RNF220: variants seen among roughly 807,000 people sequenced by gnomAD.
RNF220 encodes the protein ring finger protein 220.
A neutral mutation model predicts 67.1 loss-of-function variants in RNF220; 7 were observed. The ratio of observed to expected loss-of-function variants is 0.10; its 90% CI spans 0.06 to 0.20. RNF220 has a LOEUF of 0.20. Ranked by LOEUF, RNF220 falls within the 10% of genes least tolerant of loss-of-function variation. The pLI, the probability that RNF220 is intolerant of heterozygous loss-of-function variation, is 1.00. For synonymous variants in RNF220, 270 were observed against 283.2 expected, an observed-to-expected ratio of 0.95 and a Z score of 0.47; for missense variants, 565 against 740.3, an observed-to-expected ratio of 0.76 and a Z score of 2.75.
chr1:44,535,314 T>G (rs1335362361), intron 2 of RNF220, among the ~76,000 whole-genome samples: 1 of 152,132 alleles, frequency 6.6e-6, no homozygotes, highest in Non-Finnish European at 1.5e-5. Flanking sequence ...CTGATTTTTG[T>G]ATTTTTAGTA....
At chr1:44,460,810 G>A (rs947314781) in intron 2 of RNF220, among the ~76,000 whole-genome samples, 1 of 152,244 alleles carries the variant, frequency 6.6e-6, no homozygotes, top group Admixed American at 6.5e-5. Flanking sequence ...ATTGAATATA[G>A]CTGCAGAGCA....
At chr1:44,640,453 G>A (rs76363373) in intron 8 of RNF220, among the ~76,000 whole-genome samples, 2,478 of 152,332 alleles carry the variant, frequency 0.016, 89 homozygotes, top group African/African-American at 0.058. Context: ...TCTGTCCCCC[G>A]TGGCAACTGA....
chr1:44,579,576 A>G (rs1016411769), intron 2 of RNF220, among the ~76,000 whole-genome samples: 2 of 152,108 alleles, frequency 1.3e-5, no homozygotes, highest in African/African-American at 4.8e-5. Context: ...ACTTGAAGCT[A>G]TTTGCTAGGA....
Position 44,614,154 on chromosome 1 carries a change from C to T in RNF220, c.626-11C>T, listed in dbSNP as rs773834957. The T allele has an allele frequency of 1.2e-6, 2 of 1,614,088 alleles. No homozygotes were observed. Among genetic ancestry groups the T allele is most frequent in the Non-Finnish European group, 8.5e-7 (1 of 1,179,978 alleles). ...AGCTTACGCGTCTGTCTGTTCTTCT[C>T]CCCTCACTAGGTAAGAAGAAAGCAG... On this transcript the variant is annotated splice_polypyrimidine_tract_variant and intron_variant, in intron 2 of 14. Transcript: ENST00000361799.
At chr1:44,646,798 T>C (rs759793064) in intron 12 of RNF220, among the ~76,000 whole-genome samples, 121 of 152,268 alleles carry the variant, frequency 7.9e-4, no homozygotes, top group Non-Finnish European at 1.2e-3. Flanking sequence ...GGCTCAGTCA[T>C]GTGCAGAGCT....
At chr1:44,630,442 T>C (rs1357329799) in intron 5 of RNF220, among the ~76,000 whole-genome samples, 2 of 152,208 alleles carry the variant, frequency 1.3e-5, no homozygotes, top group Non-Finnish European at 2.9e-5. Context: ...AAATCCGAGA[T>C]TGTTTCCCAA....
intron 2 of RNF220, among the ~76,000 whole-genome samples, chr1:44,504,921 C>T (rs1310490300): frequency 6.6e-6 from 1 of 152,146 alleles, no homozygotes; most frequent in Non-Finnish European, 1.5e-5. Flanking sequence ...CAGATTGATG[C>T]AACCACATCA....
chr1:44,408,279 C>CG (rs1289083773), intron 1 of RNF220, among the ~76,000 whole-genome samples: 1 of 152,208 alleles, frequency 6.6e-6, no homozygotes, highest in Non-Finnish European at 1.5e-5. Context: ...CGGGCTGTCT[C>CG]GGATTCGCAC....
At chr1:44,557,749 C>T (rs1481373082) in intron 2 of RNF220, among the ~76,000 whole-genome samples, 4 of 152,170 alleles carry the variant, frequency 2.6e-5, no homozygotes, top group East Asian at 3.8e-4. Context: ...CAAATGTGTT[C>T]GAGTTTCAAA....
intron 2 of RNF220, among the ~76,000 whole-genome samples, chr1:44,479,066 C>T (rs1183048434): frequency 6.6e-6 from 1 of 151,778 alleles, no homozygotes; most frequent in Non-Finnish European, 1.5e-5. Context: ...TGTTTCTTTC[C>T]GTTGGAGCAG....
chr1:44,419,978 CAT>C (rs1360395799), intron 2 of RNF220: 1 of 152,222 alleles, frequency 6.6e-6, no homozygotes, highest in Non-Finnish European at 1.5e-5. Flanking sequence ...GGAGTCCACA[CAT>C]ACGGATCTGC....
chr1:44,569,156 G>T (rs1345100663), intron 2 of RNF220, among the ~76,000 whole-genome samples: 47 of 152,264 alleles, frequency 3.1e-4, no homozygotes, highest in Non-Finnish European at 6.5e-4. Context: ...CAAATGCACT[G>T]TCTCCCCAAG....
At chr1:44,617,878 T>G (rs1422645026) in intron 3 of RNF220, among the ~76,000 whole-genome samples, 1 of 130,460 alleles carries the variant, frequency 7.7e-6, no homozygotes, top group African/African-American at 3.0e-5. Flanking sequence ...TCCCCTCCCC[T>G]CTCCTCTCTG....
chr1:44,525,304 C>T (rs562198459), intron 2 of RNF220, among the ~76,000 whole-genome samples: 48 of 152,280 alleles, frequency 3.2e-4, no homozygotes, highest in African/African-American at 1.0e-3. Flanking sequence ...TTTGGCAAAA[C>T]GGGGAAAGGC....
intron 2 of RNF220, among the ~76,000 whole-genome samples, chr1:44,461,448 C>T (rs1230323345): frequency 1.3e-5 from 2 of 152,122 alleles, no homozygotes; most frequent in African/African-American, 4.8e-5. Context: ...CCTGGAGCGG[C>T]GTTGGAGTGG....
chr1:44,505,685 C>T (rs16832013), intron 2 of RNF220, among the ~76,000 whole-genome samples: 2,040 of 152,242 alleles, frequency 0.013, 50 homozygotes, highest in African/African-American at 0.047. Context: ...TAAAATGTTG[C>T]GATAATTGCT....
intron 2 of RNF220, among the ~76,000 whole-genome samples, chr1:44,536,703 G>A (rs535329613): frequency 1.3e-5 from 2 of 152,226 alleles, no homozygotes; most frequent in Non-Finnish European, 2.9e-5. Context: ...TGCTGCTGCC[G>A]CCACCAACAC....
intron 2 of RNF220, among the ~76,000 whole-genome samples, chr1:44,456,564 C>A (rs935292587): frequency 2.6e-5 from 4 of 152,172 alleles, no homozygotes; most frequent in Admixed American, 6.5e-5. Flanking sequence ...ACAAAACAGA[C>A]CAAGTCCCTG....
chr1:44,504,099 C>T (rs1658194612), intron 2 of RNF220, among the ~76,000 whole-genome samples: 1 of 152,138 alleles, frequency 6.6e-6, no homozygotes, highest in Non-Finnish European at 1.5e-5. Context: ...CCACCTGCCT[C>T]AGCCTCCCAA....
Sources: allele counts gnomAD v4.1 joint callset (sites outside exome capture counted in the v4.1 genomes callset), GRCh38; gene constraint gnomAD v4.1.1; transcripts MANE v1.5; gene names NCBI Gene and HGNC (gene_info 2026-07-23, HGNC 2026-07-21).